PTPN13: variants seen among roughly 807,000 people sequenced by gnomAD.
The protein encoded by PTPN13 is tyrosine-protein phosphatase non-receptor type 13.
Under a neutral mutation model 284.0 loss-of-function variants are expected in PTPN13, and 191 were observed. The ratio of observed to expected loss-of-function variants is 0.67; its 90% CI spans 0.60 to 0.76. The LOEUF (loss-of-function observed/expected upper bound fraction) is 0.76. PTPN13 is among the 30% of genes least tolerant of loss of function. The pLI is 0.00. For missense variants in PTPN13, 2,797 were observed against 2,939.9 expected (o/e 0.95, Z 1.12); for synonymous variants, 986 against 1,022.3 (o/e 0.96, Z 0.68).
chr4:86,778,862 T>A (rs1740950761), intron 35 of PTPN13, among the ~76,000 whole-genome samples: 1 of 152,006 alleles, frequency 6.6e-6, no homozygotes, highest in South Asian at 2.1e-4. Context: ...GCTCTTGTGT[T>A]TCCCTTAGAG....
Position 86,780,454 on chromosome 4 carries a change from A to C in PTPN13, c.5944A>C (p.Lys1982Gln). The C allele has an allele frequency of 6.2e-7, 1 of 1,606,568 alleles. No individual in the cohort carries two copies. Among genetic ancestry groups the C allele is most frequent in the Non-Finnish European group, 8.5e-7 (1 of 1,174,284 alleles). ...AAAGAGGTCTGCTGTTTCAGCTCCAAAGTCAACCAAAGGCAATGGTAAGGA... is the reference window on the plus strand; with the variant it reads ...AAAGAGGTCTGCTGTTTCAGCTCCACAGTCAACCAAAGGCAATGGTAAGGA... ...SSKRSAVSAPKSTKGNGSYSV... is the reference protein window; with the variant it reads ...SSKRSAVSAPQSTKGNGSYSV... Residue 1982 changes from lysine (K) to glutamine (Q), a missense_variant, in exon 36 of 48, where the codon AAG becomes CAG. Lys to Gln is a moderately conservative substitution (Grantham distance 53, BLOSUM62 1). Transcript: ENST00000411767.
chr4:86,611,278 T>C (rs1480400259), intron 1 of PTPN13, among the ~76,000 whole-genome samples: 1 of 152,250 alleles, frequency 6.6e-6, no homozygotes, highest in Non-Finnish European at 1.5e-5. Flanking sequence ...TTACTTAGTC[T>C]TAATATTACT....
At position 86,793,187 on chromosome 4, in the gene PTPN13, A is replaced by G. The variant is rs1243371814; in HGVS notation, c.6346-3687A>G. On this transcript the variant is annotated intron_variant, in intron 40 of 47. Transcript: ENST00000411767. ...AGATCTACCAAGCCAATGGAAAGCA[A>G]AAAAAGCAGGGGTTGCAATCCTAGT... Among the ~76,000 whole-genome samples the G allele has an allele frequency of 3.3e-5, 5 of 152,330 alleles. No individual in the cohort carries two copies. In the South Asian group the frequency reaches 6.2e-4, roughly 19 times the overall value.
chr4:86,657,384 A>G (rs1725974685), intron 2 of PTPN13, among the ~76,000 whole-genome samples: 1 of 152,216 alleles, frequency 6.6e-6, no homozygotes, highest in Non-Finnish European at 1.5e-5. Flanking sequence ...CAACTCTTGC[A>G]GACCCCTAAA....
chr4:86,685,884 A>G (rs898842608), intron 3 of PTPN13, among the ~76,000 whole-genome samples: 4 of 152,204 alleles, frequency 2.6e-5, no homozygotes, highest in African/African-American at 9.6e-5. Flanking sequence ...TAAGAGAAAT[A>G]CTTACAAGGC....
intron 35 of PTPN13, among the ~76,000 whole-genome samples, chr4:86,779,171 A>G (rs1054168285): frequency 6.6e-6 from 1 of 152,128 alleles, no homozygotes; most frequent in Non-Finnish European, 1.5e-5. Flanking sequence ...AAGGATGAAC[A>G]TGTACTGGTT....
chr4:86,813,826 A>G (rs1481888118), intron 47 of PTPN13, among the ~76,000 whole-genome samples: 3 of 152,080 alleles, frequency 2.0e-5, no homozygotes, highest in Non-Finnish European at 4.4e-5. Context: ...TTATTTTTCC[A>G]CTAAGTATAA....
At chr4:86,641,342 A>C (rs1298283224) in intron 2 of PTPN13, among the ~76,000 whole-genome samples, 1 of 151,932 alleles carries the variant, frequency 6.6e-6, no homozygotes. Context: ...TTTCCCCCTT[A>C]TCATCTTGAA....
At chr4:86,606,767 A>C (rs1565129339) in intron 1 of PTPN13, among the ~76,000 whole-genome samples, 2 of 151,828 alleles carry the variant, frequency 1.3e-5, no homozygotes, top group Non-Finnish European at 3.0e-5. Flanking sequence ...ACAAATACCT[A>C]GTTGATTGCA....
Position 86,672,437 on chromosome 4 carries a change from G to A in PTPN13, c.188G>A (p.Ser63Asn), listed in dbSNP as rs1479170911. ...PWSLLLLPSGSVSFTDENISN... is the reference protein window; with the variant it reads ...PWSLLLLPSGNVSFTDENISN... ...TCTCTGCTGTTGCTGCCATCTGGTA[G>A]TGTGTCATTTACAGATGAAAATATT... The change falls in exon 3 of 48, where the codon AGT (serine) becomes AAT (asparagine). Residue 63 changes from serine (S) to asparagine (N), a missense_variant. Coordinates refer to ENST00000411767, the MANE Select transcript of PTPN13 (RefSeq NM_080683.3). 6.4e-7 allele frequency: 1 copy of A among 1,571,064 alleles called. No individual in the cohort carries two copies. The highest frequency in any genetic ancestry group is 8.6e-7 in the Non-Finnish European group (1 of 1,156,822).
intron 2 of PTPN13, among the ~76,000 whole-genome samples, chr4:86,661,947 AG>A (rs1200096601): frequency 6.6e-6 from 1 of 152,246 alleles, no homozygotes; most frequent in African/African-American, 2.4e-5. Context: ...CAGAGATGGA[AG>A]AAAAAAGATC....
chr4:86,747,547 GCGGCA>G (rs1343139932), intron 17 of PTPN13, among the ~76,000 whole-genome samples: 2 of 144,662 alleles, frequency 1.4e-5, no homozygotes, highest in African/African-American at 5.2e-5. Context: ...AGCAGCAGCA[GCGGCA>G]GCAGCAGCAG....
chr4:86,809,928 TCAGGGA>T lies in PTPN13; in HGVS notation c.7245_7250del (p.Gly2416_Thr2417del), dbSNP rs760800833. 31 of 1,614,032 alleles carry T rather than the reference TCAGGGA, an allele frequency of 1.9e-5. No homozygotes were observed. Among genetic ancestry groups the T allele is most frequent in the Non-Finnish European group, 2.6e-5 (31 of 1,179,896 alleles). ...GCACTGCAGTGCTGGCATTGGACGT[TCAGGGA>T]CCCTGATTTGCATAGATGTGGTTCT... On this transcript the variant is annotated inframe_deletion, in exon 46 of 48. Transcript: ENST00000411767.
chr4:86,653,260 T>G (rs1382952613), intron 2 of PTPN13, among the ~76,000 whole-genome samples: 1 of 152,150 alleles, frequency 6.6e-6, no homozygotes, highest in Admixed American at 6.5e-5. Context: ...TTTAGTCCAT[T>G]TGGTGAAGTC....
intron 47 of PTPN13, among the ~76,000 whole-genome samples, chr4:86,812,241 C>T (rs867468929): frequency 2.3e-5 from 3 of 131,830 alleles, no homozygotes; most frequent in Middle Eastern, 4.5e-3. Flanking sequence ...ACCCGGGAGG[C>T]GGAGCTTGCA....
At chr4:86,606,786 C>T (rs1392207961) in intron 1 of PTPN13, among the ~76,000 whole-genome samples, 1 of 151,772 alleles carries the variant, frequency 6.6e-6, no homozygotes, top group Non-Finnish European at 1.5e-5. Flanking sequence ...CATAAAGTCA[C>T]CTAGTTGCTT....
At chr4:86,655,737 G>T (rs1333867848) in intron 2 of PTPN13, among the ~76,000 whole-genome samples, 1 of 151,992 alleles carries the variant, frequency 6.6e-6, no homozygotes, top group Non-Finnish European at 1.5e-5. Flanking sequence ...TGTTCTTCTC[G>T]AGGAGTATCT....
At chr4:86,697,658 C>T (rs569585796) in intron 6 of PTPN13, among the ~76,000 whole-genome samples, 32 of 152,250 alleles carry the variant, frequency 2.1e-4, no homozygotes, top group South Asian at 1.0e-3. Context: ...TTAGAACTTA[C>T]GCATATTAGT....
chr4:86,738,743 C>T (rs763318796), intron 15 of PTPN13, among the ~76,000 whole-genome samples: 3 of 152,008 alleles, frequency 2.0e-5, no homozygotes, highest in East Asian at 1.9e-4. Context: ...TTCAGTGGTG[C>T]GATCTTGGCT....
Sources: allele counts gnomAD v4.1 joint callset (sites outside exome capture counted in the v4.1 genomes callset), GRCh38; gene constraint gnomAD v4.1.1; transcripts MANE v1.5; gene names NCBI Gene and HGNC (gene_info 2026-07-23, HGNC 2026-07-21).